UTP14A: variants seen among roughly 807,000 people sequenced by gnomAD.
The protein encoded by UTP14A is U3 small nucleolar RNA-associated protein 14 homolog A.
UTP14A carries 5 observed loss-of-function variants against 57.2 expected under a neutral mutation model. The observed-to-expected ratio is 0.09, with a 90% confidence interval of 0.05 to 0.18. The LOEUF (loss-of-function observed/expected upper bound fraction) is 0.18. Ranked by LOEUF, UTP14A falls within the 10% of genes least tolerant of loss-of-function variation. The pLI, the probability that UTP14A is intolerant of heterozygous loss-of-function variation, is 1.00. For synonymous variants in UTP14A, 169 were observed against 210.9 expected, an observed-to-expected ratio of 0.80 and a Z score of 1.72; for missense variants, 430 against 562.1, an observed-to-expected ratio of 0.76 and a Z score of 2.38.
intron 5 of UTP14A, 34 bp from the exon 6 acceptor site, chrX:129,911,732 G>T: frequency 8.3e-7 from 1 of 1,202,148 alleles, no homozygotes; most frequent in Non-Finnish European, 1.1e-6. Flanking sequence ...TTAATCTTGT[G>T]GCTCTTTCCG....
chrX:129,920,010 G>A (rs752477373), intron 8 of UTP14A, among the ~76,000 whole-genome samples: 2 of 111,306 alleles, frequency 1.8e-5, no homozygotes, highest in Admixed American at 9.5e-5. Context: ...CCAACATGGC[G>A]AAACCCCATC....
chrX:129,920,577 G>A lies in UTP14A; in HGVS notation c.873G>A (p.Met291Ile). ...TGGAAAAAATTGAAAAGGCCAGAAT[G>A]ATGGTGAGACTACCTCTTGCCCCAC... ...EELEKIEKAR[M>I]MERMSLKHQN... is the part of the protein sequence containing the mutation. Residue 291 changes from methionine to isoleucine, a missense_variant, in exon 9 of 15, where the codon ATG (methionine) becomes ATA (isoleucine). By Grantham distance (10) the Met-to-Ile change is conservative. This residue lies in a region of UTP14A where 83 missense variants were observed against 140.4 expected (regional missense o/e 0.59). Transcript: ENST00000394422. 1 of 1,212,143 alleles carries A rather than the reference G, an allele frequency of 8.2e-7. No individual in the cohort carries two copies. Among genetic ancestry groups the A allele is most frequent in the Non-Finnish European group, 1.1e-6 (1 of 895,632 alleles).
intron 6 of UTP14A, among the ~76,000 whole-genome samples, chrX:129,916,202 C>T (rs1036515701): frequency 2.0e-4 from 22 of 110,655 alleles, no homozygotes; most frequent in African/African-American, 5.9e-4. Flanking sequence ...GATCCGCCCA[C>T]CTCGGCCTCC....
intron 14 of UTP14A, among the ~76,000 whole-genome samples, chrX:129,927,784 G>T (rs1017923018): frequency 1.2e-4 from 13 of 111,692 alleles, no homozygotes; most frequent in African/African-American, 3.9e-4. Flanking sequence ...TGGGATTACA[G>T]GTGTGAGCCA....
At chrX:129,923,577 C>A (rs1200916064) in intron 11 of UTP14A, among the ~76,000 whole-genome samples, 1 of 111,423 alleles carries the variant, frequency 9.0e-6, no homozygotes, top group Non-Finnish European at 1.9e-5. Context: ...GCCAAGCCAG[C>A]CCCTCCAGAC....
At position 129,908,702 on chromosome X, in the gene UTP14A, T is replaced by A; in HGVS notation, c.206T>A (p.Leu69Gln). ...RKLAERSEAS[L>Q]KVSEFNVSSE... is the part of the protein sequence containing the mutation. Reference sequence around the variant, plus strand: ...TTGGCTGAGAGGTCTGAGGCTAGTCTGAAGGTGTCAGAGTTCAATGTCAGT... The same window carrying A: ...TTGGCTGAGAGGTCTGAGGCTAGTCAGAAGGTGTCAGAGTTCAATGTCAGT... Residue 69 changes from leucine (L) to glutamine (Q), a missense_variant, in exon 4 of 15, where the codon CTG (leucine) becomes CAG (glutamine). Leu to Gln is a moderately radical substitution (Grantham distance 113, BLOSUM62 -2). Transcript: ENST00000394422. 1 of 1,211,805 alleles carries A rather than the reference T, an allele frequency of 8.3e-7. No individual in the cohort carries two copies. The highest frequency in any genetic ancestry group is 1.1e-6 in the Non-Finnish European group (1 of 895,395).
chrX:129,920,409 A>G (rs1014375244), intron 8 of UTP14A, 48 bp from the exon 9 acceptor site: 9 of 1,209,155 alleles, frequency 7.4e-6, no homozygotes, highest in Non-Finnish European at 8.9e-6. Flanking sequence ...TGCCTATGAC[A>G]TCCGTGCTTC....
At chrX:129,909,323 C>T (rs1929373718) in intron 4 of UTP14A, among the ~76,000 whole-genome samples, 1 of 108,056 alleles carries the variant, frequency 9.3e-6, no homozygotes, top group Admixed American at 1.0e-4. Flanking sequence ...CATTCTCCTT[C>T]CTCAGCCTCC....
rs1852484451 is a variant in UTP14A at position 129,919,104 on chromosome X, CAT to C, written c.538-69_538-68del. On this transcript the variant is annotated intron_variant, in intron 6 of 14. Coordinates refer to ENST00000394422, the MANE Select transcript of UTP14A (RefSeq NM_006649.4). ...ATTATAGTGTCATAAGTTAGAGAAT[CAT>C]AGGAATGTAAAGAGAGAAAGCTGTA... 3.3e-6 allele frequency: 4 copies of C among 1,197,462 alleles called. No homozygotes were observed. The South Asian group carries it at 5.4e-5, about 16-fold the overall frequency.
rs750133698 is a variant in UTP14A at position 129,906,649 on chromosome X, GC to G, written c.26+421del. Among the ~76,000 whole-genome samples, 631 of 100,392 alleles carry G rather than the reference GC, an allele frequency of 6.3e-3. 1 individual carries two copies. The highest frequency in any genetic ancestry group is 0.022 in the African/African-American group (598 of 26,897). The allele number at this position is 100,392 out of a possible 115,157, so 87.2% of individuals were successfully genotyped here. On this transcript the variant is annotated intron_variant, in intron 1 of 14. Coordinates refer to ENST00000394422, the MANE Select transcript of UTP14A (RefSeq NM_006649.4). ...CGTTTTGGCTCCTGTGATGTTTTGT[GC>G]CCCCCCCACCCCGCCCCCGGAACTA...
chrX:129,924,737 C>A (rs1930037454), intron 11 of UTP14A, 58 bp from the exon 12 acceptor site: 2 of 1,156,891 alleles, frequency 1.7e-6, no homozygotes, highest in South Asian at 4.1e-5. Flanking sequence ...CAAATGCTTA[C>A]CGACCAGACA....
At chrX:129,924,744 G>A (rs1331465402) in intron 11 of UTP14A, 51 bp from the exon 12 acceptor site, 1 of 1,166,289 alleles carries the variant, frequency 8.6e-7, no homozygotes, top group East Asian at 3.0e-5. Flanking sequence ...TTACCGACCA[G>A]ACAACGTACA....
intron 12 of UTP14A, among the ~76,000 whole-genome samples, chrX:129,925,400 A>T (rs1309350318): frequency 2.7e-5 from 3 of 111,586 alleles, no homozygotes; most frequent in African/African-American, 9.8e-5. Context: ...TGATCCACAA[A>T]AACTCCTCTG....
chrX:129,916,370 G>A (rs1365103217), intron 6 of UTP14A, among the ~76,000 whole-genome samples: 2 of 110,823 alleles, frequency 1.8e-5, no homozygotes, highest in Non-Finnish European at 3.8e-5. Context: ...AGTAAGCTTC[G>A]CATTTCCTTT....
In UTP14A at chrX:129,911,148, C is replaced by G; in HGVS notation, c.379C>G (p.Arg127Gly). 1.7e-6 allele frequency: 2 copies of G among 1,205,274 alleles called. No homozygotes were observed. The highest frequency in any genetic ancestry group is 2.2e-6 in the Non-Finnish European group (2 of 892,644). Reference sequence around the variant, plus strand: ...ACCTCTGAACAAAGAAGAGATTGAACGGGTAAGCTACAGAGAAGGTGGTCT... The same window carrying G: ...ACCTCTGAACAAAGAAGAGATTGAAGGGGTAAGCTACAGAGAAGGTGGTCT... ...ELPLNKEEIERIHREVAFNKT... is the reference protein window; with the variant it reads ...ELPLNKEEIEGIHREVAFNKT... Residue 127 changes from arginine (R) to glycine (G), a missense_variant and splice_region_variant, in exon 5 of 15, where the codon CGG (arginine) becomes GGG (glycine). Around this residue, in one of 4 missense-constraint regions of UTP14A, gnomAD observed 145 missense variants for 153.5 expected, o/e 0.94. Transcript: ENST00000394422.
In UTP14A at chrX:129,926,005, G is replaced by T. The variant is rs1436471896; in HGVS notation, c.1836G>T (p.Lys612Asn). The change falls in exon 13 of 15, where the codon AAG (lysine) becomes AAT (asparagine). Residue 612 changes from lysine to asparagine, a missense_variant. Lys to Asn is a moderately conservative substitution (Grantham distance 94). This residue lies in a region of UTP14A where 82 missense variants were observed against 151.4 expected (regional missense o/e 0.54). Transcript: ENST00000394422. ...DDVIRDFLKE[K>N]REAVEASKPK... ...TCATCAGAGATTTCTTGAAAGAGAA[G>T]AGGGAAGCTGTGGAGGCGAGTAAGC... 4.1e-6 allele frequency: 5 copies of T among 1,211,723 alleles called. No individual in the cohort carries two copies. Among genetic ancestry groups the T allele is most frequent in the African/African-American group, 1.7e-5 (1 of 57,947 alleles).
At chrX:129,912,829 T>C (rs1929532731) in intron 6 of UTP14A, among the ~76,000 whole-genome samples, 1 of 112,119 alleles carries the variant, frequency 8.9e-6, no homozygotes, top group African/African-American at 3.2e-5. Flanking sequence ...TAAGTATGTT[T>C]GTTTGGTGGG....
At chrX:129,917,878 C>T (rs907965382) in intron 6 of UTP14A, among the ~76,000 whole-genome samples, 1 of 110,555 alleles carries the variant, frequency 9.0e-6, no homozygotes, top group African/African-American at 3.3e-5. Context: ...GAAATTAAGA[C>T]ACACACCCCA....
chrX:129,908,313 T>A (rs1234455161), intron 3 of UTP14A, among the ~76,000 whole-genome samples, 183 bp downstream of exon 3: 1 of 112,239 alleles, frequency 8.9e-6, no homozygotes, highest in Non-Finnish European at 1.9e-5. Context: ...ATTTGCAGTC[T>A]TATTCCACAC....
Sources: gnomAD v4.1 joint callset for allele counts (sites outside exome capture counted in the v4.1 genomes callset) on GRCh38, gnomAD v4.1.1 for gene constraint, gnomAD v4.1.1 regional missense constraint, MANE v1.5 for transcripts, NCBI Gene and HGNC (gene_info 2026-07-23, HGNC 2026-07-21) for gene names.